The following DRC1 variants were observed in gnomAD, a reference collection of about 807,000 sequenced individuals.
The protein encoded by DRC1 is dynein regulatory complex protein 1.
In DRC1, 74 loss-of-function variants were observed where a neutral mutation model predicts 98.7. That is an observed-to-expected ratio of 0.75 (90% CI 0.62 to 0.91). The LOEUF is 0.91. Ranked by LOEUF, DRC1 falls within the 40% of genes least tolerant of loss-of-function variation. The pLI is 0.00. For synonymous variants in DRC1, 336 were observed against 334.1 expected, an observed-to-expected ratio of 1.01 and a Z score of -0.06; for missense variants, 875 against 886.0, an observed-to-expected ratio of 0.99 and a Z score of 0.16.
chr2:26,450,544 T>C (rs1392042903), intron 12 of DRC1, 48 bp from the exon 13 acceptor site: 25 of 1,561,420 alleles, frequency 1.6e-5, no homozygotes, highest in Non-Finnish European at 2.2e-5. Context: ...CCCAAGCCCG[T>C]GGCCTCTTGA....
intron 16 of DRC1, among the ~76,000 whole-genome samples, chr2:26,456,191 G>A (rs1178721975): frequency 6.6e-6 from 1 of 152,222 alleles, no homozygotes; most frequent in Non-Finnish European, 1.5e-5. Flanking sequence ...ATGGGTGCGT[G>A]GAGAGAGGAG....
chr2:26,406,572 T>G (rs10179651), intron 1 of DRC1, among the ~76,000 whole-genome samples: 142,775 of 152,146 alleles, frequency 0.94, 67,021 homozygotes, highest in South Asian at 0.97. Flanking sequence ...TTAGCCTGGC[T>G]TGGTGGCACA....
chr2:26,454,807 T>G lies in DRC1; in HGVS notation c.2063+17T>G, dbSNP rs1664099746. The G allele has an allele frequency of 1.2e-6, 2 of 1,613,924 alleles. No individual in the cohort carries two copies. Among genetic ancestry groups the G allele is most frequent in the Non-Finnish European group, 1.7e-6 (2 of 1,179,912 alleles). ...GAAGTACCAGTAAGTGTGCATGTCA[T>G]GGAGCAGGAGGGTGCTGGCGGGCAG... is the stretch of plus-strand genomic sequence containing the variant. On this transcript the variant is annotated intron_variant, in intron 15 of 16. Transcript: ENST00000288710. The surrounding 1 kb of genome is among the most constrained non-coding windows in gnomAD (Gnocchi z 5.2).
chr2:26,429,182 G>GATTATTATT (rs760442829), intron 4 of DRC1, among the ~76,000 whole-genome samples: 2 of 146,100 alleles, frequency 1.4e-5, no homozygotes, highest in African/African-American at 5.2e-5. Context: ...TCTTTGTACA[G>GATTATTATT]ATGATTATTA....
intron 10 of DRC1, among the ~76,000 whole-genome samples, chr2:26,445,747 C>T (rs965728471): frequency 1.3e-5 from 2 of 152,120 alleles, no homozygotes; most frequent in African/African-American, 4.8e-5. Context: ...CAACCTCCGC[C>T]TCCCGGGTTC....
chr2:26,440,407 AG>A lies in DRC1; in HGVS notation c.919del (p.Ala307GlnfsTer5), dbSNP rs1663688391. The A allele has an allele frequency of 6.2e-7, 1 of 1,612,678 alleles. No homozygotes were observed. Among genetic ancestry groups the A allele is most frequent in the Non-Finnish European group, 8.5e-7 (1 of 1,179,476 alleles). On this transcript the variant is annotated frameshift_variant, in exon 8 of 17. Coordinates refer to ENST00000288710, the MANE Select transcript of DRC1 (RefSeq NM_145038.5). LOFTEE classifies it high-confidence loss of function. ...TTGAGCAGCAGCTTCAGCAGAGGAA[AG>A]CAATTTATCAGCTAAACCAAGAGAA... Reference protein sequence around the residue: ...ILEQQLQQRKAIYQLNQEKLE... With the variant: ...ILEQQLQQRKXIYQLNQEKLE...
intron 8 of DRC1, among the ~76,000 whole-genome samples, 161 bp downstream of exon 8, chr2:26,440,678 A>AG (rs2147998291): frequency 6.6e-6 from 1 of 152,354 alleles, no homozygotes; most frequent in South Asian, 2.1e-4. Flanking sequence ...TCTCTCCCCA[A>AG]GAAAAGAGTA....
Position 26,454,358 on chromosome 2 carries a change from G to A in DRC1, c.1920-289G>A, listed in dbSNP as rs769613829. On this transcript the variant is annotated intron_variant, in intron 14 of 16. Transcript: ENST00000288710. This position sits in a 1 kb window ranked among gnomAD's most constrained non-coding sequence, Gnocchi z 5.2. ...CAAGTGCTGTTTTGGATGTGTTGGTGCAAGAGATGGGCACAGTGATGAGCT... is the reference window on the plus strand; with the variant it reads ...CAAGTGCTGTTTTGGATGTGTTGGTACAAGAGATGGGCACAGTGATGAGCT... Among the ~76,000 whole-genome samples the A allele has an allele frequency of 2.0e-5, 3 of 152,204 alleles. No individual in the cohort carries two copies. Among genetic ancestry groups the A allele is most frequent in the Non-Finnish European group, 4.4e-5 (3 of 68,042 alleles).
intron 7 of DRC1, among the ~76,000 whole-genome samples, chr2:26,437,990 G>A (rs537898681): frequency 3.3e-5 from 5 of 150,974 alleles, no homozygotes; most frequent in Non-Finnish European, 7.4e-5. Flanking sequence ...TATTTGGGAG[G>A]CTGAGGCAGG....
At chr2:26,419,177 C>T (rs906593634) in intron 2 of DRC1, among the ~76,000 whole-genome samples, 1 of 152,040 alleles carries the variant, frequency 6.6e-6, no homozygotes, top group Non-Finnish European at 1.5e-5. Flanking sequence ...GTGTGAGCCA[C>T]CATGCCCGGC....
chr2:26,441,303 C>T (rs1663711370), intron 8 of DRC1, among the ~76,000 whole-genome samples: 1 of 152,132 alleles, frequency 6.6e-6, no homozygotes, highest in South Asian at 2.1e-4. Context: ...ATTAATTCCA[C>T]TTGTAGGTTG....
chr2:26,405,072 C>A (rs34952935), intron 1 of DRC1, among the ~76,000 whole-genome samples: 1 of 151,956 alleles, frequency 6.6e-6, no homozygotes, highest in African/African-American at 2.4e-5. Flanking sequence ...TTGTGGGGAC[C>A]CTGCTGCCTC....
At chr2:26,452,442 T>C (rs1664030873) in intron 13 of DRC1, among the ~76,000 whole-genome samples, 1 of 152,176 alleles carries the variant, frequency 6.6e-6, no homozygotes, top group East Asian at 1.9e-4. Context: ...GTATTTTTAG[T>C]AGAGATGTGG....
intron 7 of DRC1, among the ~76,000 whole-genome samples, chr2:26,435,195 T>C (rs1663539189): frequency 6.6e-6 from 1 of 152,202 alleles, no homozygotes; most frequent in Non-Finnish European, 1.5e-5. Flanking sequence ...GTGGAGAAGC[T>C]TGTGCTGCTC....
chr2:26,431,794 TC>T (rs1663442262), intron 6 of DRC1, 89 bp from the exon 7 acceptor site: 1 of 1,551,132 alleles, frequency 6.4e-7, no homozygotes, highest in South Asian at 1.2e-5. Flanking sequence ...TTCCAAACTC[TC>T]CCCTGTGTCA....
At chr2:26,438,368 A>G (rs1663628179) in intron 7 of DRC1, among the ~76,000 whole-genome samples, 1 of 152,190 alleles carries the variant, frequency 6.6e-6, no homozygotes, top group Admixed American at 6.5e-5. Context: ...ATGAGCAAAT[A>G]TTGCTTTTGC....
chr2:26,442,784 C>T (rs1341752854), intron 8 of DRC1, among the ~76,000 whole-genome samples: 3 of 152,158 alleles, frequency 2.0e-5, no homozygotes, highest in Non-Finnish European at 4.4e-5. Context: ...GCCTCACTCC[C>T]CTGCATCTCT....
intron 13 of DRC1, 44 bp downstream of exon 13, chr2:26,450,725 T>C (rs776095990): frequency 8.7e-6 from 12 of 1,380,580 alleles, no homozygotes; most frequent in Non-Finnish European, 1.1e-5. Context: ...CTTTCTTTCT[T>C]ATTTATTTAT....
At chr2:26,421,246 A>C (rs1258730567) in intron 2 of DRC1, 42 bp from the exon 3 acceptor site, 2 of 1,572,866 alleles carry the variant, frequency 1.3e-6, no homozygotes, top group Non-Finnish European at 1.7e-6. Context: ...TATTATTTAC[A>C]AAGTGTTCTA....
Sources: gnomAD v4.1 joint callset for allele counts (sites outside exome capture counted in the v4.1 genomes callset) on GRCh38, gnomAD v4.1.1 for gene constraint, Gnocchi (gnomAD v3.1) non-coding constraint, MANE v1.5 for transcripts, NCBI Gene and HGNC (gene_info 2026-07-23, HGNC 2026-07-21) for gene names.